Variants in CLRN3 observed in about 807,000 individuals in gnomAD.
The protein encoded by CLRN3 is clarin-3.
Under a neutral mutation model 16.7 loss-of-function variants are expected in CLRN3, and 12 were observed. That is an observed-to-expected ratio of 0.72 (90% CI 0.46 to 1.16). The LOEUF (loss-of-function observed/expected upper bound fraction) is 1.16. CLRN3 is among the 50% of genes most tolerant of loss of function. The pLI, the probability that CLRN3 is intolerant of heterozygous loss-of-function variation, is 0.00. For missense variants in CLRN3, 296 were observed against 274.2 expected (o/e 1.08, Z -0.56); for synonymous variants, 118 against 113.0 (o/e 1.04, Z -0.28).
chr10:127,883,788 A>T lies in CLRN3; in HGVS notation c.317T>A (p.Leu106Gln), dbSNP rs1294912503. The T allele has an allele frequency of 5.0e-6, 8 of 1,614,056 alleles. No individual in the cohort carries two copies. Among genetic ancestry groups the T allele is most frequent in the Admixed American group, 3.3e-5 (2 of 60,006 alleles). The change falls in exon 2 of 3, where the codon CTG (leucine) becomes CAG (glutamine). Residue 106 changes from leucine to glutamine, a missense_variant. Physicochemically the swap from Leu to Gln is moderately radical, Grantham distance 113. Transcript: ENST00000368671. ...GTTGTAGAAGGTAAACCCAGAGCTCAGCAGCGACGTGATCAAACTCAGGAC... is the reference window on the plus strand; with the variant it reads ...GTTGTAGAAGGTAAACCCAGAGCTCTGCAGCGACGTGATCAAACTCAGGAC... ...FLVLSLITSL[L>Q]SSGFTFYNSI...
chr10:127,892,659 G>A lies in CLRN3; in HGVS notation c.126C>T (p.Asp42=), dbSNP rs751070162. ...TGAAAATGCTCCCATTTGAAGCAGA[G>A]TCTCTAACAGCAATTGTACTGGTGA... ...AWITSTIAVR[D]SASNGSIFIT... Residue 42 remains aspartate (D), a synonymous_variant, in exon 1 of 3, where the codon GAC becomes GAT. Coordinates refer to ENST00000368671, the MANE Select transcript of CLRN3 (RefSeq NM_152311.5). The A allele has an allele frequency of 2.5e-6, 4 of 1,611,438 alleles. No individual in the cohort carries two copies. The highest frequency in any genetic ancestry group is 2.7e-5 in the African/African-American group (2 of 74,874).
chr10:127,882,204 A>G (rs1845135768), intron 2 of CLRN3, among the ~76,000 whole-genome samples: 1 of 151,930 alleles, frequency 6.6e-6, no homozygotes, highest in Non-Finnish European at 1.5e-5. Context: ...CCTCGTCCAT[A>G]GTGGCTGCCC....
chr10:127,878,137 A>T lies in CLRN3; in HGVS notation c.*12T>A. 2 of 1,608,290 alleles carry T rather than the reference A, an allele frequency of 1.2e-6. No homozygotes were observed. Among genetic ancestry groups the T allele is most frequent in the Non-Finnish European group, 1.7e-6 (2 of 1,175,370 alleles). ...ACAATAGATGCAACGCCAAAATGAG[A>T]TGAAAGAGAATTCAGAATAAAATTC... On this transcript the variant is annotated 3_prime_UTR_variant, in exon 3 of 3. Transcript: ENST00000368671.
At chr10:127,885,606 T>G (rs1429402834) in intron 1 of CLRN3, among the ~76,000 whole-genome samples, 1 of 152,200 alleles carries the variant, frequency 6.6e-6, no homozygotes, top group East Asian at 1.9e-4. Context: ...AGACAGGGTC[T>G]TGCTCTGTCA....
At position 127,883,096 on chromosome 10, in the gene CLRN3, A is replaced by G. The variant is rs533374942; in HGVS notation, c.409+600T>C. On this transcript the variant is annotated intron_variant, in intron 2 of 2. Coordinates refer to ENST00000368671, the MANE Select transcript of CLRN3 (RefSeq NM_152311.5). ...ACAAAATAACCAAGCAACACCACCC[A>G]GCAACACCCCAGGCTCACAGGTAGC... Among the ~76,000 whole-genome samples, 155 of 152,314 alleles carry G rather than the reference A, an allele frequency of 1.0e-3. 1 individual carries two copies. Among genetic ancestry groups the G allele is most frequent in the African/African-American group, 3.4e-3 (142 of 41,568 alleles).
At chr10:127,887,823 T>G (rs1236667009) in intron 1 of CLRN3, among the ~76,000 whole-genome samples, 1 of 152,212 alleles carries the variant, frequency 6.6e-6, no homozygotes, top group African/African-American at 2.4e-5. Context: ...TTCCGTTCTT[T>G]TTCTTCCTTT....
intron 1 of CLRN3, among the ~76,000 whole-genome samples, chr10:127,890,743 T>C (rs1339017667): frequency 6.6e-6 from 1 of 152,096 alleles, no homozygotes; most frequent in Admixed American, 6.5e-5. Flanking sequence ...ATGTACACAC[T>C]GCAGGGCTGC....
chr10:127,880,273 T>A (rs184800623), intron 2 of CLRN3, among the ~76,000 whole-genome samples: 13,438 of 152,084 alleles, frequency 0.088, 776 homozygotes, highest in Non-Finnish European at 0.13. Flanking sequence ...GCGGGCTGCC[T>A]AGAACTTTGA....
intron 1 of CLRN3, among the ~76,000 whole-genome samples, chr10:127,885,615 C>CA (rs1845184388): frequency 1.3e-5 from 2 of 152,264 alleles, no homozygotes; most frequent in South Asian, 4.2e-4. Flanking sequence ...CTTGCTCTGT[C>CA]ACCCAGACTG....
At chr10:127,878,568 G>T in intron 2 of CLRN3, 148 bp from the exon 3 acceptor site, 1 of 1,133,564 alleles carries the variant, frequency 8.8e-7, no homozygotes, top group Non-Finnish European at 1.2e-6. Context: ...GTACAAAATT[G>T]TAAGACACAA....
chr10:127,881,624 C>A (rs1324302941), intron 2 of CLRN3, among the ~76,000 whole-genome samples: 1 of 152,134 alleles, frequency 6.6e-6, no homozygotes, highest in African/African-American at 2.4e-5. Flanking sequence ...AGCCTTGGCC[C>A]ATTAGTGGAT....
At chr10:127,879,848 C>T (rs149727355) in intron 2 of CLRN3, among the ~76,000 whole-genome samples, 9 of 152,220 alleles carry the variant, frequency 5.9e-5, no homozygotes, top group East Asian at 5.8e-4. Flanking sequence ...GTGATGAGGC[C>T]GGTGAGCAGG....
At chr10:127,883,973 G>A in intron 1 of CLRN3, 98 bp from the exon 2 acceptor site, 1 of 1,162,242 alleles carries the variant, frequency 8.6e-7, no homozygotes, top group Non-Finnish European at 1.3e-6. Flanking sequence ...TTGAGTTACT[G>A]GTTGTTGGAT....
Position 127,877,986 on chromosome 10 carries a change from T to A in CLRN3, c.*163A>T, listed in dbSNP as rs549171621. ...CATTTCCCCAACCTTGTGGGAAAAA[T>A]TTTCAGGAGTACAGCATCAATGAAG... On this transcript the variant is annotated 3_prime_UTR_variant, in exon 3 of 3. Coordinates refer to ENST00000368671, the MANE Select transcript of CLRN3 (RefSeq NM_152311.5). 19 of 870,652 alleles carry A rather than the reference T, an allele frequency of 2.2e-5. No homozygotes were observed. The African/African-American group carries it at 3.2e-4, about 15-fold the overall frequency. The allele number at this position is 870,652 out of a possible 1,614,324, so 53.9% of individuals were successfully genotyped here.
At chr10:127,884,674 A>G (rs1311121530) in intron 1 of CLRN3, among the ~76,000 whole-genome samples, 1 of 152,184 alleles carries the variant, frequency 6.6e-6, no homozygotes, top group Non-Finnish European at 1.5e-5. Flanking sequence ...CTCTTATAAC[A>G]TGAAGCAAAG....
intron 1 of CLRN3, among the ~76,000 whole-genome samples, chr10:127,889,983 C>G (rs1192374939): frequency 6.6e-6 from 1 of 152,230 alleles, no homozygotes; most frequent in Non-Finnish European, 1.5e-5. Context: ...CTGGGCTTTG[C>G]AGACATGCAT....
At chr10:127,881,802 A>C (rs1461671759) in intron 2 of CLRN3, among the ~76,000 whole-genome samples, 1 of 152,202 alleles carries the variant, frequency 6.6e-6, no homozygotes, top group Non-Finnish European at 1.5e-5. Context: ...GCCAGCAGTC[A>C]TCTTATCTTC....
intron 1 of CLRN3, among the ~76,000 whole-genome samples, chr10:127,887,625 T>C (rs1845211258): frequency 1.3e-5 from 2 of 152,226 alleles, no homozygotes; most frequent in Admixed American, 1.3e-4. Context: ...TGCTGCATTT[T>C]AAAATTATTT....
At chr10:127,879,368 C>T (rs12248505) in intron 2 of CLRN3, among the ~76,000 whole-genome samples, 4,243 of 152,198 alleles carry the variant, frequency 0.028, 91 homozygotes, top group Non-Finnish European at 0.04. Context: ...CCAAAAGTGC[C>T]GAGTGTGAGC....
Sources: gnomAD v4.1 joint callset for allele counts (sites outside exome capture counted in the v4.1 genomes callset) on GRCh38, gnomAD v4.1.1 for gene constraint, MANE v1.5 for transcripts, NCBI Gene and HGNC (gene_info 2026-07-23, HGNC 2026-07-21) for gene names.